ZNF722: variants seen among roughly 807,000 people sequenced by gnomAD.
The protein encoded by ZNF722 is zinc finger protein 479 pseudogene.
At chr7:64,010,973 A>G in the ZNF722 span, among the ~76,000 whole-genome samples, 1 of 152,106 alleles carries the variant, frequency 6.6e-6, no homozygotes, top group Non-Finnish European at 1.5e-5. Context: ...TTCTTGTTGC[A>G]TTGATCCCTT....
the ZNF722 span, chr7:64,016,139 TA>T: frequency 3.2e-5 from 14 of 440,510 alleles, no homozygotes; most frequent in Non-Finnish European, 4.0e-5. Flanking sequence ...AGAATTTATT[TA>T]AAAAAAATAT....
At chr7:64,005,648 T>A in the ZNF722 span, 1 of 1,343,166 alleles carries the variant, frequency 7.4e-7, no homozygotes, top group African/African-American at 1.4e-5. Context: ...TATAGAATTC[T>A]CTCTGGAGGA....
chr7:64,004,368 C>T, the ZNF722 span, among the ~76,000 whole-genome samples: 1 of 140,614 alleles, frequency 7.1e-6, no homozygotes. Context: ...GAGATTGCAC[C>T]ACTGCACTCC....
At chr7:64,007,318 T>G in the ZNF722 span, among the ~76,000 whole-genome samples, 1 of 151,438 alleles carries the variant, frequency 6.6e-6, no homozygotes, top group African/African-American at 2.4e-5. Context: ...TGTATACATG[T>G]GCCATGTTGG....
At chr7:64,010,148 T>C in the ZNF722 span, among the ~76,000 whole-genome samples, 1 of 152,146 alleles carries the variant, frequency 6.6e-6, no homozygotes, top group Non-Finnish European at 1.5e-5. Context: ...TCTTTATTAG[T>C]CTTGCTAGTG....
the ZNF722 span, among the ~76,000 whole-genome samples, chr7:64,010,341 T>C: frequency 3.9e-4 from 60 of 152,332 alleles, no homozygotes; most frequent in South Asian, 0.012. Flanking sequence ...TATTAGGGTG[T>C]TGATTTTAGA....
chr7:64,015,914 T>A, the ZNF722 span: 2 of 1,515,084 alleles, frequency 1.3e-6, no homozygotes, highest in Non-Finnish European at 1.8e-6. Flanking sequence ...CCTACAAAAG[T>A]AAATAATGTG....
At chr7:64,009,917 A>G in the ZNF722 span, among the ~76,000 whole-genome samples, 1 of 152,122 alleles carries the variant, frequency 6.6e-6, no homozygotes, top group Non-Finnish European at 1.5e-5. Context: ...CCTCAATTTC[A>G]GAGCCTGTTA....
chr7:64,006,201 A>G, the ZNF722 span: 2 of 1,141,860 alleles, frequency 1.8e-6, no homozygotes, highest in Non-Finnish European at 2.4e-6. Context: ...GATTTATCTT[A>G]CTTTTTTTTC....
the ZNF722 span, among the ~76,000 whole-genome samples, chr7:64,003,146 G>A: frequency 1.3e-5 from 2 of 152,304 alleles, no homozygotes; most frequent in East Asian, 1.9e-4. Context: ...AGGCTGCACT[G>A]CCTGCCCTGT....
At chr7:64,007,233 T>C in the ZNF722 span, among the ~76,000 whole-genome samples, 4 of 128,780 alleles carry the variant, frequency 3.1e-5, no homozygotes, top group African/African-American at 1.2e-4. Flanking sequence ...TGTGTGTGTA[T>C]ATATATATAT....
At chr7:64,001,319 C>T in the ZNF722 span, among the ~76,000 whole-genome samples, 2 of 152,090 alleles carry the variant, frequency 1.3e-5, no homozygotes, top group Non-Finnish European at 2.9e-5. Context: ...TATTTTGCTC[C>T]CACTTATAAG....
At chr7:64,005,064 C>T in the ZNF722 span, among the ~76,000 whole-genome samples, 2 of 152,064 alleles carry the variant, frequency 1.3e-5, no homozygotes, top group East Asian at 3.9e-4. Context: ...TTTGGGAGGC[C>T]GAGGTGGGTG....
chr7:64,014,948 T>C, the ZNF722 span: 1 of 1,074,884 alleles, frequency 9.3e-7, no homozygotes. Context: ...GTGCCTTGTA[T>C]AATTTTATAT....
chr7:64,007,320 C>A, the ZNF722 span, among the ~76,000 whole-genome samples: 1 of 150,464 alleles, frequency 6.6e-6, no homozygotes, highest in Non-Finnish European at 1.5e-5. Flanking sequence ...TATACATGTG[C>A]CATGTTGGTT....
the ZNF722 span, among the ~76,000 whole-genome samples, chr7:64,000,161 G>A: frequency 1.1e-4 from 15 of 133,740 alleles, no homozygotes; most frequent in East Asian, 1.8e-3. Context: ...ACAGAGTTTC[G>A]CTCTTATTAC....
the ZNF722 span, chr7:64,006,354 G>A: frequency 1.6e-5 from 20 of 1,214,238 alleles, no homozygotes; most frequent in Non-Finnish European, 2.3e-5. Context: ...TGACACAGAT[G>A]AGAGATACAC....
At chr7:64,015,567 C>T in the ZNF722 span, 26 of 1,613,462 alleles carry the variant, frequency 1.6e-5, no homozygotes, top group Non-Finnish European at 1.9e-5. Context: ...TGGAGAGAAA[C>T]CCTACACATG....
chr7:64,014,289 G>A, the ZNF722 span, among the ~76,000 whole-genome samples: 6 of 151,554 alleles, frequency 4.0e-5, no homozygotes, highest in African/African-American at 4.8e-5. Context: ...TTCTCATTGA[G>A]CAAAATACGG....
Sources: gnomAD v4.1 joint callset for allele counts (sites outside exome capture counted in the v4.1 genomes callset) on GRCh38, gnomAD v4.1.1 for gene constraint, MANE v1.5 for transcripts, NCBI Gene and HGNC (gene_info 2026-07-23, HGNC 2026-07-21) for gene names.